ADAMTSL1: variants seen among roughly 807,000 people sequenced by gnomAD.
ADAMTSL1 encodes ADAMTS-like protein 1.
In ADAMTSL1, 126 loss-of-function variants were observed where a neutral mutation model predicts 201.8. The ratio of observed to expected loss-of-function variants is 0.62; its 90% CI spans 0.54 to 0.72. The LOEUF is 0.72. Among genes scored for constraint, ADAMTSL1 ranks in the 30% least tolerant of loss-of-function variants. The pLI, the probability that ADAMTSL1 is intolerant of heterozygous loss-of-function variation, is 0.00. For missense variants in ADAMTSL1, 2,679 were observed against 2,277.8 expected (o/e 1.18, Z -3.59); for synonymous variants, 1,121 against 903.4 (o/e 1.24, Z -4.32).
intron 1 of ADAMTSL1, among the ~76,000 whole-genome samples, chr9:17,939,448 C>T (rs918314690): frequency 1.1e-4 from 16 of 152,118 alleles, no homozygotes; most frequent in Middle Eastern, 3.4e-3. Context: ...AAAATACTGA[C>T]ATTTTCACCT....
rs1827077990 is a variant in ADAMTSL1, at chr9:18,635,864, C to G, written c.602-79C>G. On this transcript the variant is annotated intron_variant, in intron 5 of 28. Transcript: ENST00000380548. ...ACTGTAGTTTTTAAGGTATGGAAGT[C>G]AGTGCCTTTATTTAGAAGGCAATCA... 3.3e-6 allele frequency: 4 copies of G among 1,195,310 alleles called. No homozygotes were observed. The South Asian group carries it at 5.4e-5, about 16-fold the overall frequency. 74.0% of individuals were successfully genotyped at this position (1,195,310 alleles called of 1,614,324 possible).
chr9:18,888,483 G>T (rs1388684733), intron 24 of ADAMTSL1, among the ~76,000 whole-genome samples: 1 of 152,346 alleles, frequency 6.6e-6, no homozygotes, highest in Non-Finnish European at 1.5e-5. Context: ...TTCAGCTTTA[G>T]TCATAAGCTG....
At chr9:18,290,597 C>G (rs1343868985) in intron 2 of ADAMTSL1, among the ~76,000 whole-genome samples, 1 of 151,530 alleles carries the variant, frequency 6.6e-6, no homozygotes, top group African/African-American at 2.4e-5. Flanking sequence ...GGATCTTCCC[C>G]CAAACCAACA....
chr9:18,768,455 C>G (rs376054818), intron 16 of ADAMTSL1, among the ~76,000 whole-genome samples: 1 of 117,010 alleles, frequency 8.5e-6, no homozygotes, highest in Non-Finnish European at 1.7e-5. Context: ...TGAGCCTCAG[C>G]TTTTTTTTTT....
chr9:18,482,464 C>A (rs2131813877), intron 1 of ADAMTSL1, among the ~76,000 whole-genome samples: 1 of 152,294 alleles, frequency 6.6e-6, no homozygotes, highest in Middle Eastern at 3.4e-3. Context: ...TTTTCCCCTT[C>A]AATTTTTGTC....
At chr9:17,983,695 G>C (rs1818814156) in intron 1 of ADAMTSL1, among the ~76,000 whole-genome samples, 1 of 152,058 alleles carries the variant, frequency 6.6e-6, no homozygotes, top group Non-Finnish European at 1.5e-5. Context: ...TACATGTATA[G>C]ACAGAATTGG....
chr9:18,696,865 A>ATATTATTATTATTATTATTATTAT lies in ADAMTSL1; in HGVS notation c.1575-9874_1575-9851dup, dbSNP rs142242579. ...AATATAAAATAATCACATGTCAAAA[A>ATATTATTATTATTATTATTATTAT]TATTATTATTATTATTATTATTATT... On this transcript the variant is annotated intron_variant, in intron 13 of 28. Transcript: ENST00000380548. Among the ~76,000 whole-genome samples, 376 of 142,272 alleles carry ATATTATTATTATTATTATTATTAT rather than the reference A, an allele frequency of 2.6e-3. 3 individuals are homozygous for ATATTATTATTATTATTATTATTAT. Among genetic ancestry groups the ATATTATTATTATTATTATTATTAT allele is most frequent in the South Asian group, 3.9e-3 (17 of 4,308 alleles). The allele number at this position is 142,272 out of a possible 152,430, so 93.3% of individuals were successfully genotyped here. A position where few individuals can be genotyped will look rare whatever the true frequency, so the allele number is the denominator to read the frequency against.
chr9:18,174,521 C>G (rs1024948327), intron 2 of ADAMTSL1, among the ~76,000 whole-genome samples: 1 of 152,114 alleles, frequency 6.6e-6, no homozygotes, highest in African/African-American at 2.4e-5. Context: ...TGAGAGGATA[C>G]TTCAGGCTGT....
At chr9:18,730,413 T>C (rs142322847) in intron 15 of ADAMTSL1, among the ~76,000 whole-genome samples, 1 of 152,386 alleles carries the variant, frequency 6.6e-6, no homozygotes, top group East Asian at 1.9e-4. Flanking sequence ...GAACAGTTCA[T>C]ACTTGTGAAA....
intron 1 of ADAMTSL1, among the ~76,000 whole-genome samples, chr9:18,019,535 A>T (rs1380872651): frequency 6.6e-6 from 1 of 152,102 alleles, no homozygotes; most frequent in East Asian, 1.9e-4. Context: ...TACCTCACAC[A>T]TTCTCTCAGT....
chr9:18,025,137 T>G (rs745397562), intron 1 of ADAMTSL1, among the ~76,000 whole-genome samples: 5 of 152,124 alleles, frequency 3.3e-5, no homozygotes, highest in Non-Finnish European at 7.4e-5. Context: ...ATTGTTTATG[T>G]TCCTTATGGA....
intron 4 of ADAMTSL1, among the ~76,000 whole-genome samples, chr9:18,612,469 A>G (rs1825440555): frequency 6.6e-6 from 1 of 152,160 alleles, no homozygotes; most frequent in African/African-American, 2.4e-5. Context: ...TGCTTGCTGT[A>G]TGCCAGGCAC....
chr9:18,625,136 C>T (rs1826278006), intron 5 of ADAMTSL1, among the ~76,000 whole-genome samples: 1 of 152,222 alleles, frequency 6.6e-6, no homozygotes, highest in South Asian at 2.1e-4. Context: ...CAGTTCTCCA[C>T]ACCTGGAGGA....
At chr9:18,290,080 T>A (rs1029851030) in intron 2 of ADAMTSL1, among the ~76,000 whole-genome samples, 5 of 152,166 alleles carry the variant, frequency 3.3e-5, no homozygotes, top group African/African-American at 1.2e-4. Context: ...AAGACTGGAC[T>A]GTTTGGGAAC....
intron 2 of ADAMTSL1, among the ~76,000 whole-genome samples, chr9:18,505,377 A>G (rs1823068930): frequency 6.6e-6 from 1 of 152,222 alleles, no homozygotes; most frequent in African/African-American, 2.4e-5. Flanking sequence ...TGAATAACAT[A>G]TTGGTTTATT....
intron 2 of ADAMTSL1, among the ~76,000 whole-genome samples, chr9:18,194,362 T>C (rs1163804414): frequency 6.6e-6 from 1 of 152,088 alleles, no homozygotes; most frequent in Non-Finnish European, 1.5e-5. Flanking sequence ...ATGATTATTA[T>C]AGCAGAAAAT....
chr9:18,541,443 G>C (rs1355489955), intron 3 of ADAMTSL1, among the ~76,000 whole-genome samples: 1 of 151,946 alleles, frequency 6.6e-6, no homozygotes, highest in Non-Finnish European at 1.5e-5. Context: ...CCAGGAGGTG[G>C]AGGTCGCAGT....
intron 1 of ADAMTSL1, among the ~76,000 whole-genome samples, chr9:18,038,334 A>G (rs537147624): frequency 5.1e-4 from 77 of 152,166 alleles, no homozygotes; most frequent in African/African-American, 1.8e-3. Flanking sequence ...CATTCTCTCT[A>G]TACTCTAAAG....
chr9:18,396,024 A>G (rs1817738834), intron 2 of ADAMTSL1, among the ~76,000 whole-genome samples: 1 of 152,212 alleles, frequency 6.6e-6, no homozygotes, highest in Non-Finnish European at 1.5e-5. Flanking sequence ...GAAGTAGACC[A>G]TTGATGCTGA....
Sources: gnomAD v4.1 joint callset for allele counts (sites outside exome capture counted in the v4.1 genomes callset) on GRCh38, gnomAD v4.1.1 for gene constraint, MANE v1.5 for transcripts, NCBI Gene and HGNC (gene_info 2026-07-23, HGNC 2026-07-21) for gene names.